The following PCNP variants were observed in gnomAD, a reference collection of about 807,000 sequenced individuals.
The protein encoded by PCNP is PEST proteolytic signal-containing nuclear protein.
A neutral mutation model predicts 21.8 loss-of-function variants in PCNP; 6 were observed. The ratio of observed to expected loss-of-function variants is 0.28; its 90% CI spans 0.15 to 0.54. The LOEUF is 0.54. Ranked by LOEUF, PCNP falls within the 20% of genes least tolerant of loss-of-function variation. PCNP has a pLI of 0.95. For missense variants in PCNP, 161 were observed against 215.5 expected, an observed-to-expected ratio of 0.75 and a Z score of 1.58; for synonymous variants, 67 against 73.2, an observed-to-expected ratio of 0.92 and a Z score of 0.43.
In PCNP at chr3:101,574,235, G is replaced by T; in HGVS notation, c.20G>T (p.Gly7Val). The change falls in exon 1 of 5, where the codon GGA becomes GTA. Residue 7 changes from glycine to valine, a missense_variant. Physicochemically the swap from Gly to Val is moderately radical, Grantham distance 109. Coordinates refer to ENST00000265260, the MANE Select transcript of PCNP (RefSeq NM_020357.3). Reference protein sequence around the residue: MADGKAGDEKPEKSQRA... With the variant: MADGKAVDEKPEKSQRA... ...GGGAAAATGGCGGACGGGAAGGCGG[G>T]AGACGAGAAGCCTGAAAAGTCGCAG... The T allele has an allele frequency of 6.5e-7, 1 of 1,549,948 alleles. No homozygotes were observed. Among genetic ancestry groups the T allele is most frequent in the South Asian group, 1.2e-5 (1 of 83,902 alleles).
chr3:101,586,464 T>C (rs1392976549), intron 3 of PCNP, among the ~76,000 whole-genome samples: 1 of 151,836 alleles, frequency 6.6e-6, no homozygotes, highest in Non-Finnish European at 1.5e-5. Flanking sequence ...CCCCCACTCA[T>C]GATGTGACGT....
chr3:101,577,826 C>T (rs1935007660), intron 1 of PCNP, among the ~76,000 whole-genome samples: 2 of 152,156 alleles, frequency 1.3e-5, no homozygotes, highest in South Asian at 2.1e-4. Context: ...GCCCAGCTTA[C>T]TAGGTAATTT....
intron 1 of PCNP, among the ~76,000 whole-genome samples, chr3:101,574,510 A>T (rs889497496): frequency 1.3e-5 from 2 of 152,106 alleles, no homozygotes; most frequent in South Asian, 4.2e-4. Context: ...TCCTGGCCCC[A>T]GCGGAGGCCC....
chr3:101,579,633 TG>T (rs1379559305), intron 1 of PCNP, 156 bp from the exon 2 acceptor site: 2 of 719,840 alleles, frequency 2.8e-6, no homozygotes, highest in African/African-American at 3.5e-5. Context: ...TCTCAGTTCC[TG>T]CTGTATACTC....
At chr3:101,588,038 C>T (rs1208854248) in intron 3 of PCNP, among the ~76,000 whole-genome samples, 3 of 152,006 alleles carry the variant, frequency 2.0e-5, no homozygotes, top group African/African-American at 7.2e-5. Context: ...TTTGGGAGGC[C>T]GAGGCGGGTG....
chr3:101,577,341 G>C (rs191445849), intron 1 of PCNP, among the ~76,000 whole-genome samples: 27 of 152,252 alleles, frequency 1.8e-4, no homozygotes, highest in African/African-American at 5.8e-4. Context: ...ACCAAGAACT[G>C]CGTCAATGAA....
At chr3:101,589,507 T>C (rs1231365923) in intron 3 of PCNP, among the ~76,000 whole-genome samples, 2 of 151,692 alleles carry the variant, frequency 1.3e-5, no homozygotes, top group East Asian at 3.9e-4. Context: ...GCCTCCCGAA[T>C]TCAAGCAATT....
chr3:101,590,142 T>C, intron 3 of PCNP, 73 bp from the exon 4 acceptor site: 6 of 797,858 alleles, frequency 7.5e-6, no homozygotes, highest in Non-Finnish European at 8.5e-6. Flanking sequence ...AGATATAAAA[T>C]TTAGCGTATT....
At chr3:101,592,553 A>G (rs954273775) in intron 4 of PCNP, 74 bp from the exon 5 acceptor site, 17 of 1,216,422 alleles carry the variant, frequency 1.4e-5, no homozygotes, top group Non-Finnish European at 2.0e-5. Flanking sequence ...ACAAACATGT[A>G]TTGAATGAAT....
chr3:101,578,522 A>G (rs923281879), intron 1 of PCNP, among the ~76,000 whole-genome samples: 5 of 152,354 alleles, frequency 3.3e-5, no homozygotes, highest in African/African-American at 4.8e-5. Context: ...CCCAAAACAT[A>G]ATCCTGCTTA....
At chr3:101,575,172 TA>T (rs1361880359) in intron 1 of PCNP, among the ~76,000 whole-genome samples, 2 of 152,196 alleles carry the variant, frequency 1.3e-5, no homozygotes, top group Non-Finnish European at 2.9e-5. Flanking sequence ...ACAAGTGACT[TA>T]ACACGTGCGA....
intron 1 of PCNP, chr3:101,576,744 G>C: frequency 6.2e-7 from 1 of 1,611,528 alleles, no homozygotes; most frequent in South Asian, 1.1e-5. Flanking sequence ...GCATAACGGT[G>C]ATCACACGTT....
intron 2 of PCNP, among the ~76,000 whole-genome samples, chr3:101,582,710 A>G (rs1403259814): frequency 6.6e-6 from 1 of 152,238 alleles, no homozygotes; most frequent in East Asian, 1.9e-4. Context: ...GGTATAAAAG[A>G]AGGAATGGTT....
rs191218028 is a variant in PCNP, at chr3:101,594,432, A to G, written c.*1679A>G. ...ACTAAAGTACCAATAAATTTGTCAA[A>G]CTCAATAGTGTTTTTATTTTCTATT... On this transcript the variant is annotated 3_prime_UTR_variant, in exon 5 of 5. Coordinates refer to ENST00000265260, the MANE Select transcript of PCNP (RefSeq NM_020357.3). The G allele has an allele frequency of 6.4e-4, 97 of 152,492 alleles. No homozygotes were observed. In the East Asian group the frequency reaches 0.014, roughly 22 times the overall value. The allele number at this position is 152,492 out of a possible 1,614,324, so 9.4% of individuals were successfully genotyped here. A position where few individuals can be genotyped will look rare whatever the true frequency, so the allele number is the denominator to read the frequency against.
At chr3:101,575,896 G>A (rs1934853481) in intron 1 of PCNP, among the ~76,000 whole-genome samples, 1 of 152,102 alleles carries the variant, frequency 6.6e-6, no homozygotes, top group Admixed American at 6.6e-5. Flanking sequence ...TTGCTAATTG[G>A]TATCAGAAAA....
rs955887069 is a variant in PCNP, at chr3:101,576,836, G to T, written c.64+2557G>T. ...CTCAACACCACATGAGCATATCTTC[G>T]GCCCACACCCTTAATGGCAGTGATG... is the stretch of plus-strand genomic sequence containing the variant. On this transcript the variant is annotated intron_variant, in intron 1 of 4. Transcript: ENST00000265260. The T allele has an allele frequency of 5.3e-5, 85 of 1,609,284 alleles. 1 individual carries two copies. The highest frequency in any genetic ancestry group is 7.1e-5 in the Non-Finnish European group (84 of 1,177,044).
rs34194679 is a variant in PCNP, at chr3:101,579,129, AT to A, written c.65-650del. On this transcript the variant is annotated intron_variant, in intron 1 of 4. Transcript: ENST00000265260. ...AAACTAACATATAAACCAAAGTATG[AT>A]TTTTTTTTTTAAATAGCTCTTATGG... Among the ~76,000 whole-genome samples, 62 of 149,734 alleles carry A rather than the reference AT, an allele frequency of 4.1e-4. No individual in the cohort carries two copies. The East Asian group carries it at 4.5e-3, about 11-fold the overall frequency.
In PCNP at chr3:101,590,223, A is replaced by C; in HGVS notation, c.363A>C (p.Pro121=). 1 of 1,564,620 alleles carries C rather than the reference A, an allele frequency of 6.4e-7. No individual in the cohort carries two copies. Residue 121 remains proline (P), a synonymous_variant, in exon 4 of 5, where the codon CCA becomes CCC. Transcript: ENST00000265260. ...AAFNEDEDSE[P]EEMPPEAKMR... is the part of the protein sequence containing the mutation. Reference sequence around the variant, plus strand: ...CTTACTTTTTTCTTTAGAGTGAACCAGAGGAAATGCCTCCAGAAGCAAAGA... The same window carrying C: ...CTTACTTTTTTCTTTAGAGTGAACCCGAGGAAATGCCTCCAGAAGCAAAGA...
At chr3:101,585,834 G>A (rs1472961327) in intron 3 of PCNP, among the ~76,000 whole-genome samples, 1 of 152,026 alleles carries the variant, frequency 6.6e-6, no homozygotes, top group African/African-American at 2.4e-5. Flanking sequence ...TTTATAGTTG[G>A]GGTCTTCAGT....
Sources: allele counts gnomAD v4.1 joint callset (sites outside exome capture counted in the v4.1 genomes callset), GRCh38; gene constraint gnomAD v4.1.1; transcripts MANE v1.5; gene names NCBI Gene and HGNC (gene_info 2026-07-23, HGNC 2026-07-21).